The following DMD variants were observed in gnomAD, a reference collection of about 807,000 sequenced individuals.
DMD encodes the protein mutant dystrophin.
In DMD, 63 loss-of-function variants were observed where a neutral mutation model predicts 330.1. The ratio of observed to expected loss-of-function variants is 0.19; its 90% CI spans 0.16 to 0.24. The LOEUF (loss-of-function observed/expected upper bound fraction) is 0.24, where lower values mean the gene tolerates loss of function less well. Among genes scored for constraint, DMD ranks in the 10% least tolerant of loss-of-function variants. The pLI, the probability that DMD is intolerant of heterozygous loss-of-function variation, is 1.00. For missense variants in DMD, 3,344 were observed against 2,684.1 expected (o/e 1.25, Z -5.43); for synonymous variants, 1,223 against 959.8 (o/e 1.27, Z -5.07).
chrX:32,819,188 A>T (rs1239452501), intron 5 of DMD, among the ~76,000 whole-genome samples: 1 of 110,710 alleles, frequency 9.0e-6, no homozygotes, highest in Non-Finnish European at 1.9e-5. Context: ...AGCTCTGCAG[A>T]AGAGCAGAGC....
chrX:32,130,435 A>G (rs1216459924), intron 44 of DMD, among the ~76,000 whole-genome samples: 2 of 111,566 alleles, frequency 1.8e-5, no homozygotes, highest in Non-Finnish European at 3.8e-5. Context: ...AATTCCCATA[A>G]TGCACACTCC....
intron 16 of DMD, among the ~76,000 whole-genome samples, chrX:32,553,100 A>G (rs993376152): frequency 8.9e-6 from 1 of 112,035 alleles, no homozygotes; most frequent in Non-Finnish European, 1.9e-5. Context: ...CCTCAACCCT[A>G]AAGACACATG....
intron 2 of DMD, among the ~76,000 whole-genome samples, chrX:32,930,910 T>C (rs2089528035): frequency 9.2e-6 from 1 of 109,193 alleles, no homozygotes; most frequent in South Asian, 3.8e-4. Flanking sequence ...TTTTTTAATT[T>C]TTCCATTCTT....
At chrX:33,173,189 C>T (rs188797412) in intron 1 of DMD, among the ~76,000 whole-genome samples, 1 of 111,126 alleles carries the variant, frequency 9.0e-6, no homozygotes, top group East Asian at 2.8e-4. Context: ...AACTTGGAGT[C>T]CAGTGGTCTT....
intron 62 of DMD, among the ~76,000 whole-genome samples, chrX:31,311,000 TATA>T (rs765864503): frequency 2.1e-3 from 236 of 111,815 alleles, no homozygotes; most frequent in African/African-American, 7.2e-3. Flanking sequence ...ACCATGTAGT[TATA>T]ATGATAAAAA....
chrX:32,096,046 G>T (rs187293851), intron 44 of DMD, among the ~76,000 whole-genome samples: 1 of 111,729 alleles, frequency 9.0e-6, no homozygotes, highest in Non-Finnish European at 1.9e-5. Context: ...TTAAGAGTCA[G>T]GCATGATATC....
intron 44 of DMD, among the ~76,000 whole-genome samples, chrX:32,170,454 A>C (rs2096883685): frequency 1.8e-5 from 2 of 108,567 alleles, no homozygotes; most frequent in South Asian, 4.0e-4. Flanking sequence ...CCCGGGCAAC[A>C]GAGCGAAACT....
At chrX:32,684,339 G>A (rs1201000131) in intron 9 of DMD, among the ~76,000 whole-genome samples, 4 of 111,335 alleles carry the variant, frequency 3.6e-5, no homozygotes, top group East Asian at 2.8e-4. Flanking sequence ...ATGGTATTAA[G>A]TATATAACTA....
intron 1 of DMD, among the ~76,000 whole-genome samples, chrX:33,157,059 T>C (rs73621883): frequency 0.011 from 1,234 of 112,131 alleles, 13 homozygotes; most frequent in African/African-American, 0.037. Context: ...ATTTCCATGA[T>C]GTATTAGTTT....
intron 30 of DMD, among the ~76,000 whole-genome samples, chrX:32,392,566 T>C (rs958630544): frequency 4.5e-5 from 5 of 111,567 alleles, no homozygotes; most frequent in Non-Finnish European, 9.4e-5. Flanking sequence ...AGCCCGTAGA[T>C]AGCATTTTCG....
At chrX:32,534,557 G>C (rs909745272) in intron 17 of DMD, among the ~76,000 whole-genome samples, 1 of 111,190 alleles carries the variant, frequency 9.0e-6, no homozygotes, top group Non-Finnish European at 1.9e-5. Flanking sequence ...TCTACAGCTT[G>C]CAGAACCGTG....
intron 19 of DMD, among the ~76,000 whole-genome samples, chrX:32,500,271 T>A (rs765018464): frequency 9.0e-6 from 1 of 111,552 alleles, no homozygotes; most frequent in Non-Finnish European, 1.9e-5. Context: ...ATCTGGTCAA[T>A]TAATATTTAC....
At chrX:32,992,789 C>T (rs2093011113) in intron 2 of DMD, among the ~76,000 whole-genome samples, 1 of 107,315 alleles carries the variant, frequency 9.3e-6, no homozygotes, top group Admixed American at 1.0e-4. Flanking sequence ...GCCTGTAATC[C>T]CAACTACTTG....
At chrX:31,461,139 G>T (rs1030433075) in intron 59 of DMD, among the ~76,000 whole-genome samples, 1 of 111,593 alleles carries the variant, frequency 9.0e-6, no homozygotes, top group African/African-American at 3.3e-5. Context: ...GAGGCTGTGT[G>T]CCTGCATTCA....
chrX:31,558,122 A>G (rs2074961354), intron 55 of DMD, among the ~76,000 whole-genome samples: 1 of 112,529 alleles, frequency 8.9e-6, no homozygotes, highest in Non-Finnish European at 1.9e-5. Flanking sequence ...TCTAAGAAAG[A>G]TAACATTAGG....
chrX:31,218,403 G>T (rs1279851622), intron 64 of DMD, among the ~76,000 whole-genome samples: 1 of 110,437 alleles, frequency 9.1e-6, no homozygotes, highest in Non-Finnish European at 1.9e-5. Context: ...AGAAAAAGAG[G>T]CAAGAAAACT....
intron 44 of DMD, among the ~76,000 whole-genome samples, chrX:32,064,321 G>A (rs1047715630): frequency 9.0e-6 from 1 of 110,893 alleles, no homozygotes; most frequent in Non-Finnish European, 1.9e-5. Context: ...AGAATCATTC[G>A]TTTCTCTATC....
At chrX:32,786,134 T>TA (rs764523994) in intron 7 of DMD, among the ~76,000 whole-genome samples, 5 of 108,057 alleles carry the variant, frequency 4.6e-5, no homozygotes, top group African/African-American at 6.9e-5. Context: ...TTCCAATTAT[T>TA]AATAAAAACA....
rs759835845 is a variant in DMD at position 32,879,924 on chromosome X, C to A, written c.94-30104G>T. Among the ~76,000 whole-genome samples the A allele has an allele frequency of 1.5e-4, 17 of 110,938 alleles. No homozygotes were observed. In the South Asian group the frequency reaches 6.1e-3, roughly 40 times the overall value. On this transcript the variant is annotated intron_variant, in intron 2 of 78. Transcript: ENST00000357033. ...ATTGCCTTTCAGACCTTCCTCTTCT[C>A]CCATTTGAATAGACATTAGCCTCAT... is the stretch of plus-strand genomic sequence containing the variant.
Sources: allele counts gnomAD v4.1 joint callset (sites outside exome capture counted in the v4.1 genomes callset), GRCh38; gene constraint gnomAD v4.1.1; transcripts MANE v1.5; gene names NCBI Gene and HGNC (gene_info 2026-07-23, HGNC 2026-07-21).